MGAT5B: variants seen among roughly 807,000 people sequenced by gnomAD.
MGAT5B encodes the protein alpha-1,6-mannosylglycoprotein 6-beta-N-acetylglucosaminyltransferase B.
Under a neutral mutation model 95.1 loss-of-function variants are expected in MGAT5B, and 54 were observed. That is an observed-to-expected ratio of 0.57 (90% CI 0.46 to 0.71). The LOEUF (loss-of-function observed/expected upper bound fraction) is 0.71, where lower values mean the gene tolerates loss of function less well. MGAT5B is among the 30% of genes least tolerant of loss of function. MGAT5B has a pLI of 0.00. For synonymous variants in MGAT5B, 464 were observed against 451.0 expected (o/e 1.03, Z -0.36); for missense variants, 935 against 1,088.6 (o/e 0.86, Z 1.99).
At chr17:76,920,388 G>A (rs1044788897) in intron 8 of MGAT5B, among the ~76,000 whole-genome samples, 4 of 152,148 alleles carry the variant, frequency 2.6e-5, no homozygotes, top group Non-Finnish European at 2.9e-5. Flanking sequence ...CGAGCCTCCC[G>A]GGCACCTTTG....
chr17:76,899,661 C>G (rs1284238078), intron 3 of MGAT5B, among the ~76,000 whole-genome samples: 1 of 152,104 alleles, frequency 6.6e-6, no homozygotes, highest in Admixed American at 6.5e-5. Context: ...CTCTCTCTCT[C>G]TGTGTATATA....
At chr17:76,945,416 A>C (rs1295064149) in intron 15 of MGAT5B, among the ~76,000 whole-genome samples, 1 of 152,156 alleles carries the variant, frequency 6.6e-6, no homozygotes, top group African/African-American at 2.4e-5. Flanking sequence ...CAGCCTCCCA[A>C]GTAGCTGGGA....
Position 76,940,706 on chromosome 17 carries a change from A to G in MGAT5B, c.1732-26A>G. On this transcript the variant is annotated intron_variant, in intron 14 of 17. Coordinates refer to ENST00000569840, the MANE Select transcript of MGAT5B (RefSeq NM_001199172.2). This position sits in a 1 kb window ranked among gnomAD's most constrained non-coding sequence, Gnocchi z 4.3. ...TGTCCCACTGGCAGGCACGGGGGGC[A>G]TCTGCAATCTCTGTACCCTTGCCAG... 1 of 1,610,638 alleles carries G rather than the reference A, an allele frequency of 6.2e-7. No individual in the cohort carries two copies. The highest frequency in any genetic ancestry group is 8.5e-7 in the Non-Finnish European group (1 of 1,177,104).
intron 3 of MGAT5B, among the ~76,000 whole-genome samples, chr17:76,893,647 T>C (rs749394138): frequency 2.6e-5 from 4 of 152,166 alleles, no homozygotes; most frequent in Non-Finnish European, 4.4e-5. Flanking sequence ...CCGGGGTAGA[T>C]TGAATTCAAG....
intron 9 of MGAT5B, 148 bp downstream of exon 9, chr17:76,925,245 CCCCT>C (rs1969271298): frequency 3.6e-5 from 1 of 27,706 alleles, no homozygotes; most frequent in Non-Finnish European, 6.6e-5. Flanking sequence ...GCCCTCCCCT[CCCCT>C]CCCCTGCCAC....
At chr17:76,897,699 TTCTTTCTTTC>T (rs1968125692) in intron 3 of MGAT5B, among the ~76,000 whole-genome samples, 1 of 113,616 alleles carries the variant, frequency 8.8e-6, no homozygotes, top group African/African-American at 4.5e-5. Context: ...CTTTCTTTCT[TTCTTTCTTTC>T]TTTCTTTCTT....
At position 76,915,348 on chromosome 17, in the gene MGAT5B, G is replaced by T. The variant is rs1968890632; in HGVS notation, c.1025+9161G>T. Among the ~76,000 whole-genome samples, 1 of 151,942 alleles carries T rather than the reference G, an allele frequency of 6.6e-6. No homozygotes were observed. The highest frequency in any genetic ancestry group is 2.4e-5 in the African/African-American group (1 of 41,286). On this transcript the variant is annotated intron_variant, in intron 8 of 17. Transcript: ENST00000569840. This position sits in a 1 kb window ranked among gnomAD's most constrained non-coding sequence, Gnocchi z 8.7. Reference sequence around the variant, plus strand: ...AGCGGGGTGGGGGGCCTGGGCTGGGGGCCGGGGATCGGGCACTCCTCTCTG... The same window carrying T: ...AGCGGGGTGGGGGGCCTGGGCTGGGTGCCGGGGATCGGGCACTCCTCTCTG...
chr17:76,881,171 A>C (rs111919849), intron 2 of MGAT5B, among the ~76,000 whole-genome samples: 33 of 152,218 alleles, frequency 2.2e-4, no homozygotes, highest in African/African-American at 8.0e-4. Context: ...GCTCCCGCAC[A>C]CTGGCACGTG....
chr17:76,878,499 G>T (rs560364033), intron 2 of MGAT5B, among the ~76,000 whole-genome samples: 146 of 152,306 alleles, frequency 9.6e-4, no homozygotes, highest in Non-Finnish European at 1.6e-3. Context: ...GTTTGAGAGA[G>T]GGTCTCGCTC....
At position 76,918,927 on chromosome 17, in the gene MGAT5B, G is replaced by T. The variant is rs1969035323; in HGVS notation, c.1026-6039G>T. Among the ~76,000 whole-genome samples the T allele has an allele frequency of 2.0e-5, 3 of 152,212 alleles. No individual in the cohort carries two copies. The highest frequency in any genetic ancestry group is 7.2e-5 in the African/African-American group (3 of 41,438). ...GAGAGAATAGTGTGTTCCACAATTT[G>T]AGCACTACCTGGAGAGATTATTTCT... On this transcript the variant is annotated intron_variant, in intron 8 of 17. Coordinates refer to ENST00000569840, the MANE Select transcript of MGAT5B (RefSeq NM_001199172.2). The surrounding 1 kb of genome is among the most constrained non-coding windows in gnomAD (Gnocchi z 5.1).
At chr17:76,928,381 T>C (rs7213801) in intron 10 of MGAT5B, among the ~76,000 whole-genome samples, 1 of 152,042 alleles carries the variant, frequency 6.6e-6, no homozygotes, top group Non-Finnish European at 1.5e-5. Context: ...AGCTACGAAG[T>C]TGAGAAGCTT....
chr17:76,943,637 C>T (rs953197680), intron 15 of MGAT5B, among the ~76,000 whole-genome samples: 14 of 150,750 alleles, frequency 9.3e-5, no homozygotes, highest in African/African-American at 2.9e-4. Flanking sequence ...GGGGGGGTCT[C>T]ATTTTGTTGC....
chr17:76,934,317 G>A (rs982449431), intron 12 of MGAT5B, among the ~76,000 whole-genome samples: 2 of 152,192 alleles, frequency 1.3e-5, no homozygotes, highest in South Asian at 2.1e-4. Flanking sequence ...TGGGTTAGAA[G>A]GTGACCCATA....
chr17:76,901,963 CAT>C (rs1273726660), intron 3 of MGAT5B, among the ~76,000 whole-genome samples: 4 of 152,246 alleles, frequency 2.6e-5, no homozygotes, highest in Admixed American at 6.5e-5. Context: ...GATAGGGTCA[CAT>C]GTGCAGATAT....
intron 2 of MGAT5B, among the ~76,000 whole-genome samples, chr17:76,881,087 C>T (rs1967393701): frequency 6.6e-6 from 1 of 152,104 alleles, no homozygotes; most frequent in Non-Finnish European, 1.5e-5. Flanking sequence ...GTGCCTGGAG[C>T]CCAGCACCCT....
rs117538342 is a variant in MGAT5B, at chr17:76,902,396, C to T, written c.330-159C>T. On this transcript the variant is annotated intron_variant, in intron 3 of 17. Transcript: ENST00000569840. ...GGGCTGCCAGCTCCATCTTCTCACC[C>T]GATTCACTCCCCACCATTTGGTCTG... Among the ~76,000 whole-genome samples the T allele has an allele frequency of 8.3e-3, 1,267 of 152,242 alleles. 8 individuals are homozygous for T. The highest frequency in any genetic ancestry group is 0.017 in the Middle Eastern group (5 of 294).
chr17:76,933,318 C>T, intron 12 of MGAT5B, 21 bp downstream of exon 12: 1 of 1,598,298 alleles, frequency 6.3e-7, no homozygotes, highest in Non-Finnish European at 8.5e-7. Context: ...CGCTTGCCGC[C>T]TGCCCCCTCT....
At chr17:76,901,322 T>C (rs1968308882) in intron 3 of MGAT5B, among the ~76,000 whole-genome samples, 1 of 151,328 alleles carries the variant, frequency 6.6e-6, no homozygotes, top group African/African-American at 2.4e-5. Flanking sequence ...CAGTACCTTG[T>C]ATAGGGATAA....
rs1248980317 is a variant in MGAT5B, at chr17:76,905,295, G to A, written c.817G>A (p.Ala273Thr). 1.2e-6 allele frequency: 2 copies of A among 1,603,660 alleles called. No individual in the cohort carries two copies. Among genetic ancestry groups the A allele is most frequent in the South Asian group, 1.1e-5 (1 of 90,744 alleles). Reference protein sequence around the residue: ...AQWALAAQRLAQKLGATQRDQ... With the variant: ...AQWALAAQRLTQKLGATQRDQ... ...GTGGGCGCTGGCTGCCCAGCGCCTGGCACAGAAGCTGGGGGCCACCCAGAG... is the reference window on the plus strand; with the variant it reads ...GTGGGCGCTGGCTGCCCAGCGCCTGACACAGAAGCTGGGGGCCACCCAGAG... Residue 273 changes from alanine (A) to threonine (T), a missense_variant, in exon 7 of 18, where the codon GCA becomes ACA. This residue lies in a region of MGAT5B where 243 missense variants were observed against 305.5 expected (regional missense o/e 0.80). Coordinates refer to ENST00000569840, the MANE Select transcript of MGAT5B (RefSeq NM_001199172.2). The surrounding 1 kb of genome is among the most constrained non-coding windows in gnomAD (Gnocchi z 4.2).
Sources: allele counts gnomAD v4.1 joint callset (sites outside exome capture counted in the v4.1 genomes callset), GRCh38; gene constraint gnomAD v4.1.1; regional missense constraint gnomAD v4.1.1; non-coding constraint Gnocchi (gnomAD v3.1); transcripts MANE v1.5; gene names NCBI Gene and HGNC (gene_info 2026-07-23, HGNC 2026-07-21).